WWOX: variants seen among roughly 807,000 people sequenced by gnomAD.
WWOX encodes the protein WW domain containing oxidoreductase.
WWOX carries 69 observed loss-of-function variants against 46.2 expected under a neutral mutation model. The ratio of observed to expected loss-of-function variants is 1.49; its 90% CI spans 1.23 to 1.82. The LOEUF is 1.82. Ranked by LOEUF, WWOX falls within the 40% of genes most tolerant of loss-of-function variation. The pLI is 0.00. For missense variants in WWOX, 919 were observed against 542.6 expected (o/e 1.69, Z -6.89); for synonymous variants, 359 against 202.6 (o/e 1.77, Z -6.56).
At chr16:78,747,798 T>C (rs2049383380) in intron 8 of WWOX, among the ~76,000 whole-genome samples, 1 of 152,206 alleles carries the variant, frequency 6.6e-6, no homozygotes, top group Admixed American at 6.5e-5. Context: ...TTGCTCAACA[T>C]ACCAGAGTTT....
chr16:78,150,272 G>A (rs909383491), intron 4 of WWOX, among the ~76,000 whole-genome samples: 6 of 152,290 alleles, frequency 3.9e-5, no homozygotes, highest in Admixed American at 2.0e-4. Flanking sequence ...CCAGGCATGC[G>A]GAGGGGATGT....
intron 5 of WWOX, among the ~76,000 whole-genome samples, chr16:78,242,985 G>T (rs2037705798): frequency 1.3e-5 from 2 of 152,004 alleles, no homozygotes. Flanking sequence ...TCCAGCCTGG[G>T]CAACAGAGGG....
At chr16:78,335,811 G>A (rs13337264) in intron 5 of WWOX, among the ~76,000 whole-genome samples, 2 of 152,114 alleles carry the variant, frequency 1.3e-5, no homozygotes, top group African/African-American at 4.8e-5. Flanking sequence ...AAAGGTACTA[G>A]CTGAGCATGA....
intron 8 of WWOX, among the ~76,000 whole-genome samples, chr16:78,519,459 T>C (rs2043303875): frequency 6.6e-6 from 1 of 151,902 alleles, no homozygotes; most frequent in African/African-American, 2.4e-5. Context: ...TCCTTCTAAT[T>C]TTTTTCTTCA....
chr16:79,210,071 C>G (rs527748934), intron 8 of WWOX, among the ~76,000 whole-genome samples: 2 of 152,174 alleles, frequency 1.3e-5, no homozygotes, highest in African/African-American at 2.4e-5. Flanking sequence ...ACCAGTGGAA[C>G]TTGTCCAGTA....
intron 8 of WWOX, among the ~76,000 whole-genome samples, chr16:79,122,400 G>A (rs1025218145): frequency 2.6e-5 from 4 of 152,104 alleles, no homozygotes; most frequent in Non-Finnish European, 5.9e-5. Context: ...TATTAAGAAC[G>A]GAGAAAAGGA....
chr16:78,832,059 A>C (rs1014704984), intron 8 of WWOX, among the ~76,000 whole-genome samples: 1 of 152,154 alleles, frequency 6.6e-6, no homozygotes, highest in African/African-American at 2.4e-5. Context: ...AAGCACTTAG[A>C]ATCTCATTGT....
At chr16:78,551,536 A>T (rs1262352326) in intron 8 of WWOX, 2 of 152,176 alleles carry the variant, frequency 1.3e-5, no homozygotes, top group Non-Finnish European at 2.9e-5. Flanking sequence ...GGTTCAAAGG[A>T]AAGGAATAGC....
intron 8 of WWOX, among the ~76,000 whole-genome samples, chr16:79,138,167 C>T (rs1216177443): frequency 6.6e-6 from 1 of 152,104 alleles, no homozygotes; most frequent in Non-Finnish European, 1.5e-5. Context: ...GGTCCTTGAT[C>T]ATTTTTCTTG....
intron 8 of WWOX, among the ~76,000 whole-genome samples, chr16:79,038,513 T>G (rs1258393051): frequency 1.3e-5 from 2 of 152,350 alleles, no homozygotes; most frequent in Middle Eastern, 3.4e-3. Flanking sequence ...ATTATGATTT[T>G]TAACAATATA....
intron 5 of WWOX, among the ~76,000 whole-genome samples, chr16:78,235,405 T>G (rs1597384348): frequency 6.6e-6 from 1 of 151,890 alleles, no homozygotes; most frequent in African/African-American, 2.4e-5. Context: ...GGAGTGGAGG[T>G]GCACTCAGGA....
intron 8 of WWOX, among the ~76,000 whole-genome samples, chr16:78,830,312 A>T (rs1449068177): frequency 2.0e-5 from 3 of 151,936 alleles, no homozygotes; most frequent in African/African-American, 7.3e-5. Context: ...AAGCATATTT[A>T]TATATATACA....
chr16:78,600,394 C>A (rs562403750), intron 8 of WWOX, among the ~76,000 whole-genome samples: 3 of 152,126 alleles, frequency 2.0e-5, no homozygotes, highest in Non-Finnish European at 4.4e-5. Flanking sequence ...CAGCTCCAGC[C>A]ATTTGTTACT....
At chr16:78,429,849 A>C (rs2083176241) in intron 7 of WWOX, among the ~76,000 whole-genome samples, 1 of 152,226 alleles carries the variant, frequency 6.6e-6, no homozygotes, top group African/African-American at 2.4e-5. Flanking sequence ...CAACATGTAA[A>C]TGCTTGGGCC....
At chr16:78,187,770 A>G (rs969057948) in intron 5 of WWOX, among the ~76,000 whole-genome samples, 12 of 152,242 alleles carry the variant, frequency 7.9e-5, no homozygotes, top group Non-Finnish European at 1.5e-5. Context: ...TTCAGGACCC[A>G]TGTCTGTTGT....
At chr16:78,912,968 A>C (rs1362161048) in intron 8 of WWOX, among the ~76,000 whole-genome samples, 1 of 151,968 alleles carries the variant, frequency 6.6e-6, no homozygotes, top group African/African-American at 2.4e-5. Flanking sequence ...AGGGCTCCAC[A>C]AAGAACTCGG....
At chr16:78,244,919 A>C (rs1388037017) in intron 5 of WWOX, among the ~76,000 whole-genome samples, 2 of 152,234 alleles carry the variant, frequency 1.3e-5, no homozygotes, top group Non-Finnish European at 2.9e-5. Flanking sequence ...AGTTGAAAAA[A>C]AGATTGAAAA....
chr16:79,076,345 G>A (rs2048655854), intron 8 of WWOX, among the ~76,000 whole-genome samples: 1 of 152,178 alleles, frequency 6.6e-6, no homozygotes, highest in Non-Finnish European at 1.5e-5. Flanking sequence ...TGGAAACCCT[G>A]AAATGTAGCC....
intron 8 of WWOX, among the ~76,000 whole-genome samples, 172 bp downstream of exon 8, chr16:78,432,924 G>C (rs1018034681): frequency 6.6e-6 from 1 of 152,170 alleles, no homozygotes; most frequent in South Asian, 2.1e-4. Flanking sequence ...GGTTAAGTCT[G>C]TTTGGGTAAA....
Sources: gnomAD v4.1 joint callset for allele counts (sites outside exome capture counted in the v4.1 genomes callset) on GRCh38, gnomAD v4.1.1 for gene constraint, MANE v1.5 for transcripts, NCBI Gene and HGNC (gene_info 2026-07-23, HGNC 2026-07-21) for gene names.